MMS22L: variants seen among roughly 807,000 people sequenced by gnomAD.
MMS22L encodes the protein MMS22 like, DNA repair protein, also known as protein MMS22-like.
Under a neutral mutation model 159.1 loss-of-function variants are expected in MMS22L, and 74 were observed. That is an observed-to-expected ratio of 0.47 (90% CI 0.39 to 0.56). The LOEUF is 0.56. Among genes scored for constraint, MMS22L ranks in the 20% least tolerant of loss-of-function variants. The pLI is 0.00. For synonymous variants in MMS22L, 517 were observed against 506.9 expected (o/e 1.02, Z -0.27); for missense variants, 1,351 against 1,422.1 (o/e 0.95, Z 0.80).
chr6:97,248,061 G>A (rs191448925), intron 10 of MMS22L, among the ~76,000 whole-genome samples: 30 of 152,218 alleles, frequency 2.0e-4, no homozygotes, highest in East Asian at 9.7e-4. Context: ...CACACTGTAC[G>A]AGGGTTGGTC....
At chr6:97,226,622 CA>C (rs1810277992) in intron 14 of MMS22L, among the ~76,000 whole-genome samples, 1 of 151,660 alleles carries the variant, frequency 6.6e-6, no homozygotes, top group African/African-American at 2.4e-5. Flanking sequence ...ATTCTATATA[CA>C]CATATGTGTA....
chr6:97,267,990 T>C lies in MMS22L; in HGVS notation c.710A>G (p.Tyr237Cys), dbSNP rs762786344. 5.8e-6 allele frequency: 9 copies of C among 1,564,732 alleles called. No homozygotes were observed. The East Asian group carries it at 9.3e-5, about 16-fold the overall frequency. The change falls in exon 8 of 25, where the codon TAT becomes TGT. Residue 237 changes from tyrosine to cysteine, a missense_variant. Transcript: ENST00000683635. ...TGCCAGATTCATAAACTGATGACCA[T>C]ATACAACTTGTTCTGAAAATGTAAT... ...MLGEKLKQVV[Y>C]GHQFMNLASD...
At chr6:97,240,397 G>T (rs146393317) in intron 11 of MMS22L, among the ~76,000 whole-genome samples, 72 of 152,170 alleles carry the variant, frequency 4.7e-4, no homozygotes, top group African/African-American at 1.7e-3. Context: ...CCTACTTCTA[G>T]GGTGACTAAC....
chr6:97,236,952 GAAA>G (rs772283057), intron 11 of MMS22L, among the ~76,000 whole-genome samples: 1 of 109,220 alleles, frequency 9.2e-6, no homozygotes. Flanking sequence ...CTCCGCCTCA[GAAA>G]AAAAAAAAAA....
Position 97,273,251 on chromosome 6 carries a change from A to G in MMS22L, c.341-189T>C, listed in dbSNP as rs542115385. ...TATTAAAGTCACCAATCACACCCAC[A>G]TTGCCCAATCTAATAGACAGTGCCT... is the stretch of plus-strand genomic sequence containing the variant. On this transcript the variant is annotated intron_variant, in intron 4 of 24. Transcript: ENST00000683635. 3.9e-4 allele frequency: 227 copies of G among 578,554 alleles called. 1 individual carries two copies. The East Asian group carries it at 6.5e-3, about 17-fold the overall frequency. The allele number at this position is 578,554 out of a possible 1,614,324, so 35.8% of individuals were successfully genotyped here.
intron 11 of MMS22L, 89 bp from the exon 12 acceptor site, chr6:97,234,069 G>A (rs1811148358): frequency 1.4e-6 from 2 of 1,381,880 alleles, no homozygotes; most frequent in Non-Finnish European, 1.9e-6. Flanking sequence ...ATAACCTGCA[G>A]CTAAAAAGAA....
intron 10 of MMS22L, among the ~76,000 whole-genome samples, chr6:97,250,673 G>T (rs947487540): frequency 1.3e-5 from 2 of 152,110 alleles, no homozygotes; most frequent in African/African-American, 4.8e-5. Context: ...GGCTAGCTTT[G>T]TGAGTTAAAT....
intron 14 of MMS22L, among the ~76,000 whole-genome samples, chr6:97,217,442 G>C (rs901379108): frequency 1.3e-5 from 2 of 151,866 alleles, no homozygotes; most frequent in Admixed American, 6.6e-5. Context: ...TTTAGTAGAG[G>C]TGGGGTTTCG....
chr6:97,192,583 A>C (rs1026863550), intron 14 of MMS22L, among the ~76,000 whole-genome samples: 1 of 152,222 alleles, frequency 6.6e-6, no homozygotes, highest in Non-Finnish European at 1.5e-5. Flanking sequence ...TCTAAATCCT[A>C]ATAAACATGT....
intron 14 of MMS22L, among the ~76,000 whole-genome samples, chr6:97,220,956 TGACA>T (rs1204785290): frequency 3.2e-5 from 4 of 125,700 alleles, no homozygotes; most frequent in African/African-American, 6.6e-5. Context: ...ATAAGACCCC[TGACA>T]CACACACACA....
chr6:97,233,408 C>T (rs557007919), intron 12 of MMS22L, among the ~76,000 whole-genome samples: 3 of 152,198 alleles, frequency 2.0e-5, no homozygotes, highest in African/African-American at 7.2e-5. Context: ...TCCACAAATA[C>T]AGATACCGGG....
chr6:97,187,980 G>T (rs1224077631), intron 14 of MMS22L, among the ~76,000 whole-genome samples: 1 of 152,150 alleles, frequency 6.6e-6, no homozygotes, highest in Non-Finnish European at 1.5e-5. Flanking sequence ...CAAATGGCTG[G>T]GGAAAGAGTA....
intron 8 of MMS22L, chr6:97,264,617 T>C (rs1814889862): frequency 6.6e-6 from 1 of 152,132 alleles, no homozygotes; most frequent in Non-Finnish European, 1.5e-5. Flanking sequence ...TTGCTGTTTG[T>C]AGATAACATG....
intron 18 of MMS22L, 81 bp downstream of exon 18, chr6:97,178,362 A>G: frequency 9.2e-7 from 1 of 1,086,820 alleles, no homozygotes; most frequent in East Asian, 2.5e-5. Context: ...CATTTTATAG[A>G]AAAACTTTAA....
rs1293803552 is a variant in MMS22L at position 97,233,871 on chromosome 6, C to G, written c.1292G>C (p.Ser431Thr). ...ATTCTATTCACTCACCAGGTTCTTA[C>G]TATAATATTCCCATAAAATGGTAAC... ...AIVTILWEYY[S>T]KNLNSSFSIS... The change falls in exon 12 of 25, where the codon AGT (serine) becomes ACT (threonine). Residue 431 changes from serine to threonine, a missense_variant. Transcript: ENST00000683635. The G allele has an allele frequency of 3.1e-6, 5 of 1,604,430 alleles. No homozygotes were observed. The South Asian group carries it at 5.6e-5, about 18-fold the overall frequency.
At chr6:97,177,991 G>A (rs543432602) in intron 18 of MMS22L, among the ~76,000 whole-genome samples, 1 of 152,196 alleles carries the variant, frequency 6.6e-6, no homozygotes, top group East Asian at 1.9e-4. Flanking sequence ...CAAAACAAAT[G>A]GATTGGATTT....
intron 6 of MMS22L, chr6:97,271,421 T>G (rs1815722914): frequency 6.6e-6 from 1 of 152,176 alleles, no homozygotes; most frequent in Non-Finnish European, 1.5e-5. Flanking sequence ...ACATATTTGA[T>G]GGATAACCAG....
chr6:97,151,089 G>A (rs564152645), intron 23 of MMS22L, among the ~76,000 whole-genome samples: 10 of 152,148 alleles, frequency 6.6e-5, no homozygotes, highest in African/African-American at 2.2e-4. Context: ...TGGATCCAGC[G>A]GAACATGTTT....
intron 18 of MMS22L, among the ~76,000 whole-genome samples, chr6:97,174,542 G>A (rs977904415): frequency 6.6e-6 from 1 of 152,114 alleles, no homozygotes; most frequent in African/African-American, 2.4e-5. Flanking sequence ...AAGGCCCTAA[G>A]GGGTCTAATT....
Sources: allele counts gnomAD v4.1 joint callset (sites outside exome capture counted in the v4.1 genomes callset), GRCh38; gene constraint gnomAD v4.1.1; transcripts MANE v1.5; gene names NCBI Gene and HGNC (gene_info 2026-07-23, HGNC 2026-07-21).